Variants in DMD observed in about 807,000 individuals in gnomAD.
DMD encodes dystrophin.
DMD carries 63 observed loss-of-function variants against 330.1 expected under a neutral mutation model. The observed-to-expected ratio is 0.19, with a 90% CI of 0.16 to 0.24. The LOEUF (loss-of-function observed/expected upper bound fraction) is 0.24, where lower values mean the gene tolerates loss of function less well. Ranked by LOEUF, DMD falls within the 10% of genes least tolerant of loss-of-function variation. The pLI is 1.00. For synonymous variants in DMD, 1,223 were observed against 959.8 expected, an observed-to-expected ratio of 1.27 and a Z score of -5.07; for missense variants, 3,344 against 2,684.1, an observed-to-expected ratio of 1.25 and a Z score of -5.43.
At chrX:31,410,965 C>A (rs1431668244) in intron 60 of DMD, among the ~76,000 whole-genome samples, 1 of 98,853 alleles carries the variant, frequency 1.0e-5, no homozygotes, top group African/African-American at 3.8e-5. Flanking sequence ...AGGGTGTCAC[C>A]ATGTTGCCCA....
intron 63 of DMD, among the ~76,000 whole-genome samples, chrX:31,241,847 T>A (rs965195018): frequency 8.9e-6 from 1 of 111,829 alleles, no homozygotes; most frequent in Non-Finnish European, 1.9e-5. Context: ...TATTTCTCTT[T>A]TCTGAAGATT....
intron 44 of DMD, among the ~76,000 whole-genome samples, chrX:32,180,225 T>A (rs1459286529): frequency 9.0e-6 from 1 of 111,325 alleles, no homozygotes; most frequent in African/African-American, 3.3e-5. Flanking sequence ...GGACAGAAGG[T>A]TACATCGTAG....
chrX:31,326,990 G>A (rs1005500264), intron 61 of DMD, among the ~76,000 whole-genome samples: 1 of 111,989 alleles, frequency 8.9e-6, no homozygotes, highest in Non-Finnish European at 1.9e-5. Flanking sequence ...TGCCTGATGT[G>A]TCCATTTTTA....
At chrX:31,841,700 G>C (rs1411554234) in intron 48 of DMD, among the ~76,000 whole-genome samples, 1 of 112,155 alleles carries the variant, frequency 8.9e-6, no homozygotes, top group Non-Finnish European at 1.9e-5. Flanking sequence ...GCTCTATAAA[G>C]GGAACAACAA....
chrX:33,049,038 TTC>T (rs2094425498), intron 1 of DMD, among the ~76,000 whole-genome samples: 1 of 111,629 alleles, frequency 9.0e-6, no homozygotes, highest in Non-Finnish European at 1.9e-5. Flanking sequence ...AGAACTAGTC[TTC>T]TCTCTCTCAG....
At chrX:32,621,528 T>G (rs190644213) in intron 11 of DMD, among the ~76,000 whole-genome samples, 1 of 109,727 alleles carries the variant, frequency 9.1e-6, no homozygotes, top group East Asian at 2.9e-4. Flanking sequence ...CTCATTATGT[T>G]GCCCAGGCTG....
At chrX:32,733,001 C>G (rs1603300832) in intron 7 of DMD, among the ~76,000 whole-genome samples, 1 of 110,908 alleles carries the variant, frequency 9.0e-6, no homozygotes, top group African/African-American at 3.3e-5. Flanking sequence ...CATCAGTGAG[C>G]TGTATTCAGG....
At chrX:31,405,191 A>C (rs913458126) in intron 60 of DMD, among the ~76,000 whole-genome samples, 7 of 112,194 alleles carry the variant, frequency 6.2e-5, no homozygotes, top group African/African-American at 2.3e-4. Flanking sequence ...TCATCTGACA[A>C]GAAAAATAAT....
intron 17 of DMD, among the ~76,000 whole-genome samples, chrX:32,522,863 C>A (rs2046576657): frequency 8.9e-6 from 1 of 112,014 alleles, no homozygotes. Flanking sequence ...ATTTATTTGT[C>A]TGACTCAATT....
chrX:33,297,759 G>T lies in DMD; in HGVS notation c.7+41500C>A, dbSNP rs756927417. 2.7e-5 allele frequency among the ~76,000 whole-genome samples: 3 copies of T among 111,437 alleles called. No homozygotes were observed. The East Asian group carries it at 8.5e-4, about 32-fold the overall frequency. ...AAAGACAAATGTTGCATGATATTAT[G>T]TGTGGAATATAAAATGTTGAACTTA... On this transcript the variant is annotated intron_variant, in intron 1 of 17. Transcript: ENST00000288447.
At chrX:32,919,815 A>G (rs1459228365) in intron 2 of DMD, among the ~76,000 whole-genome samples, 1 of 111,511 alleles carries the variant, frequency 9.0e-6, no homozygotes, top group African/African-American at 3.3e-5. Context: ...CTCTGGAGAT[A>G]TATAACTATA....
intron 51 of DMD, among the ~76,000 whole-genome samples, chrX:31,754,893 T>C (rs1214935016): frequency 8.9e-6 from 1 of 112,055 alleles, no homozygotes; most frequent in African/African-American, 3.2e-5. Context: ...TTGTGGGCTT[T>C]GTGTTTTGTT....
intron 1 of DMD, among the ~76,000 whole-genome samples, chrX:33,329,176 A>C (rs1017422767): frequency 8.9e-6 from 1 of 111,948 alleles, no homozygotes; most frequent in Non-Finnish European, 1.9e-5. Context: ...AACACAAAAA[A>C]TGGTTCTCAA....
In DMD at chrX:31,947,905, C is replaced by T. The variant is rs2150078853; in HGVS notation, c.6615-15678G>A. Among the ~76,000 whole-genome samples, 2 of 110,735 alleles carry T rather than the reference C, an allele frequency of 1.8e-5. 1 individual carries two copies. Among genetic ancestry groups the T allele is most frequent in the South Asian group, 7.9e-4 (2 of 2,544 alleles). Reference sequence around the variant, plus strand: ...CTTCTTATGGTAGGAACACTTAAGACATATCCTCTTAATAATAATTTAAGT... The same window carrying T: ...CTTCTTATGGTAGGAACACTTAAGATATATCCTCTTAATAATAATTTAAGT... On this transcript the variant is annotated intron_variant, in intron 45 of 78. Transcript: ENST00000357033.
chrX:32,238,063 T>C (rs72626022), intron 43 of DMD, among the ~76,000 whole-genome samples: 12,141 of 111,524 alleles, frequency 0.11, 669 homozygotes, highest in East Asian at 0.46. Flanking sequence ...AAAAAAGGTT[T>C]AGGGGAGTAC....
chrX:32,866,734 T>TGGGGGGGG (rs757998939), intron 2 of DMD, among the ~76,000 whole-genome samples: 1 of 6,106 alleles, frequency 1.6e-4, no homozygotes, highest in African/African-American at 7.9e-4. Flanking sequence ...TGGGGGGGGG[T>TGGGGGGGG]GGGGGGGTGG....
At position 32,678,066 on chromosome X, in the gene DMD, T is replaced by A. The variant is rs148200030; in HGVS notation, c.960+19804A>T. ...ATCTAAAATTGCCAAACTCAGAGAATCAGAGATTAGAGTGGTGGCTTTTAG... is the reference window on the plus strand; with the variant it reads ...ATCTAAAATTGCCAAACTCAGAGAAACAGAGATTAGAGTGGTGGCTTTTAG... On this transcript the variant is annotated intron_variant, in intron 9 of 78. Coordinates refer to ENST00000357033, the MANE Select transcript of DMD (RefSeq NM_004006.3). Among the ~76,000 whole-genome samples, 127 of 111,668 alleles carry A rather than the reference T, an allele frequency of 1.1e-3. No individual in the cohort carries two copies. The East Asian group carries it at 0.032, about 28-fold the overall frequency.
chrX:32,382,833 T>G (rs1199109060), intron 33 of DMD, among the ~76,000 whole-genome samples: 1 of 110,929 alleles, frequency 9.0e-6, no homozygotes, highest in Non-Finnish European at 1.9e-5. Flanking sequence ...TTTATTTCAT[T>G]TTGTTTATTT....
At chrX:31,369,076 G>A (rs950597076) in intron 60 of DMD, among the ~76,000 whole-genome samples, 1 of 112,033 alleles carries the variant, frequency 8.9e-6, no homozygotes, top group Non-Finnish European at 1.9e-5. Context: ...ACCAGAATCT[G>A]TGATGTTGAC....
Sources: gnomAD v4.1 joint callset for allele counts (sites outside exome capture counted in the v4.1 genomes callset) on GRCh38, gnomAD v4.1.1 for gene constraint, MANE v1.5 for transcripts, NCBI Gene and HGNC (gene_info 2026-07-23, HGNC 2026-07-21) for gene names.